Variants in PTPRD observed in about 807,000 individuals in gnomAD.
The protein encoded by PTPRD is receptor-type tyrosine-protein phosphatase delta.
A neutral mutation model predicts 214.5 loss-of-function variants in PTPRD; 34 were observed. The observed-to-expected ratio is 0.16, with a 90% confidence interval of 0.12 to 0.21. The LOEUF (loss-of-function observed/expected upper bound fraction) is 0.21. Among genes scored for constraint, PTPRD ranks in the 10% least tolerant of loss-of-function variants. The probability of loss-of-function intolerance (pLI) is 1.00; values close to 1 mark genes in which losing one functional copy is unlikely to be tolerated. For missense variants in PTPRD, 2,545 were observed against 2,398.7 expected, an observed-to-expected ratio of 1.06 and a Z score of -1.27; for synonymous variants, 1,128 against 845.7, an observed-to-expected ratio of 1.33 and a Z score of -5.79.
intron 35 of PTPRD, among the ~76,000 whole-genome samples, chr9:8,415,721 A>C (rs1411735055): frequency 2.0e-5 from 3 of 152,120 alleles, no homozygotes; most frequent in Non-Finnish European, 4.4e-5. Context: ...GAGAGAAAGC[A>C]AGCCACAGAC....
At chr9:8,940,826 A>AGTG (rs1344950717) in intron 11 of PTPRD, among the ~76,000 whole-genome samples, 17 of 61,820 alleles carry the variant, frequency 2.7e-4, no homozygotes, top group African/African-American at 9.6e-4. Context: ...GCAAAACATT[A>AGTG]GTGATGATGA....
intron 11 of PTPRD, among the ~76,000 whole-genome samples, chr9:8,987,481 G>C (rs889351139): frequency 1.3e-5 from 2 of 152,140 alleles, no homozygotes; most frequent in Non-Finnish European, 2.9e-5. Flanking sequence ...ATAGGTGGTG[G>C]TAATCATTTG....
intron 10 of PTPRD, among the ~76,000 whole-genome samples, chr9:9,057,295 T>C (rs754700887): frequency 2.2e-4 from 33 of 152,172 alleles, no homozygotes; most frequent in Admixed American, 1.1e-3. Context: ...GGCAATGATA[T>C]ATTTTTTTTC....
intron 9 of PTPRD, among the ~76,000 whole-genome samples, chr9:9,225,530 A>G (rs2099958885): frequency 6.6e-6 from 1 of 152,072 alleles, no homozygotes; most frequent in South Asian, 2.1e-4. Context: ...ATCTATGCAG[A>G]ACCCACTTCC....
intron 11 of PTPRD, among the ~76,000 whole-genome samples, chr9:8,998,270 G>T (rs2099404653): frequency 6.6e-6 from 1 of 152,040 alleles, no homozygotes; most frequent in Admixed American, 6.6e-5. Flanking sequence ...TTCTTCAAAG[G>T]ATAGGCTGGT....
At chr9:9,053,775 T>C (rs1025669722) in intron 10 of PTPRD, among the ~76,000 whole-genome samples, 27 of 152,180 alleles carry the variant, frequency 1.8e-4, no homozygotes, top group African/African-American at 6.3e-4. Context: ...TTGGATGTTA[T>C]TGAAAATGTT....
intron 9 of PTPRD, among the ~76,000 whole-genome samples, chr9:9,348,021 G>C (rs2049555040): frequency 6.6e-6 from 1 of 152,128 alleles, no homozygotes; most frequent in South Asian, 2.1e-4. Context: ...TTCTGTTTTA[G>C]TATGCATATT....
At chr9:9,704,603 T>G (rs1479255753) in intron 7 of PTPRD, among the ~76,000 whole-genome samples, 1 of 152,206 alleles carries the variant, frequency 6.6e-6, no homozygotes, top group Non-Finnish European at 1.5e-5. Flanking sequence ...CAAAGTAACG[T>G]TCTGGAACTT....
At chr9:10,393,623 C>T (rs1372842340) in intron 2 of PTPRD, among the ~76,000 whole-genome samples, 2 of 148,410 alleles carry the variant, frequency 1.3e-5, no homozygotes, top group African/African-American at 2.5e-5. Flanking sequence ...AGACCCAGTA[C>T]TTATTCTGCA....
chr9:10,166,897 A>G (rs1164889314), intron 3 of PTPRD, among the ~76,000 whole-genome samples: 1 of 152,122 alleles, frequency 6.6e-6, no homozygotes, highest in Non-Finnish European at 1.5e-5. Flanking sequence ...TAGGTATACA[A>G]TAATCAGCTA....
At chr9:8,726,854 C>T (rs1395999442) in intron 12 of PTPRD, among the ~76,000 whole-genome samples, 3 of 148,808 alleles carry the variant, frequency 2.0e-5, no homozygotes, top group Non-Finnish European at 4.4e-5. Context: ...GCCTGTAGTT[C>T]CAGCTACTAG....
At chr9:9,321,472 T>C (rs1023025034) in intron 9 of PTPRD, among the ~76,000 whole-genome samples, 3 of 151,016 alleles carry the variant, frequency 2.0e-5, no homozygotes, top group Admixed American at 6.6e-5. Flanking sequence ...AGAGAATGGC[T>C]TGAACCTGGG....
chr9:8,808,861 C>G (rs2096742247), intron 11 of PTPRD, among the ~76,000 whole-genome samples: 1 of 152,040 alleles, frequency 6.6e-6, no homozygotes, highest in African/African-American at 2.4e-5. Flanking sequence ...TCAAAGAGCT[C>G]CCCAGATGCC....
intron 11 of PTPRD, among the ~76,000 whole-genome samples, chr9:9,016,097 G>T (rs2099533970): frequency 6.6e-6 from 1 of 152,098 alleles, no homozygotes; most frequent in Non-Finnish European, 1.5e-5. Context: ...TTCCCACAGA[G>T]CTTGTCCAAG....
At chr9:8,613,021 T>G (rs2095502853) in intron 14 of PTPRD, among the ~76,000 whole-genome samples, 1 of 152,206 alleles carries the variant, frequency 6.6e-6, no homozygotes, top group African/African-American at 2.4e-5. Context: ...AGTACTTTCA[T>G]GTGTTTATAT....
At chr9:8,370,903 C>G (rs1188012255) in intron 39 of PTPRD, among the ~76,000 whole-genome samples, 1 of 152,082 alleles carries the variant, frequency 6.6e-6, no homozygotes, top group Non-Finnish European at 1.5e-5. Flanking sequence ...GCTGTTTTTT[C>G]TTCTGTGAAA....
At chr9:9,623,368 A>G (rs2095312611) in intron 7 of PTPRD, among the ~76,000 whole-genome samples, 1 of 152,168 alleles carries the variant, frequency 6.6e-6, no homozygotes, top group African/African-American at 2.4e-5. Context: ...TTATCTCAAA[A>G]TGATGTTTTC....
chr9:10,573,227 C>T (rs192255630), intron 2 of PTPRD, among the ~76,000 whole-genome samples: 162 of 152,276 alleles, frequency 1.1e-3, no homozygotes, highest in Non-Finnish European at 1.9e-3. Context: ...TATTTTATAT[C>T]TGTACATTTT....
chr9:10,583,733 C>T (rs2072912842), intron 2 of PTPRD, among the ~76,000 whole-genome samples: 1 of 152,186 alleles, frequency 6.6e-6, no homozygotes, highest in African/African-American at 2.4e-5. Flanking sequence ...CTGCCTCGGC[C>T]TCCCAAAGTG....
Sources: gnomAD v4.1 joint callset for allele counts (sites outside exome capture counted in the v4.1 genomes callset) on GRCh38, gnomAD v4.1.1 for gene constraint, MANE v1.5 for transcripts, NCBI Gene and HGNC (gene_info 2026-07-23, HGNC 2026-07-21) for gene names.